The following CNTNAP2 variants were observed in gnomAD, a reference collection of about 807,000 sequenced individuals.
CNTNAP2 encodes the protein contactin-associated protein-like 2.
Under a neutral mutation model 155.2 loss-of-function variants are expected in CNTNAP2, and 98 were observed. The observed-to-expected ratio is 0.63, with a 90% CI of 0.54 to 0.75. CNTNAP2 has a LOEUF of 0.75. Ranked by LOEUF, CNTNAP2 falls within the 30% of genes least tolerant of loss-of-function variation. The pLI is 0.00. For synonymous variants in CNTNAP2, 651 were observed against 631.2 expected (o/e 1.03, Z -0.47); for missense variants, 1,727 against 1,688.1 (o/e 1.02, Z -0.40).
chr7:147,817,892 G>A (rs183877942), intron 13 of CNTNAP2, among the ~76,000 whole-genome samples: 2,103 of 137,762 alleles, frequency 0.015, 34 homozygotes, highest in African/African-American at 0.035. Context: ...GCAACAGAGC[G>A]AGACTCTGTC....
chr7:147,615,315 A>G (rs1444862696), intron 12 of CNTNAP2, among the ~76,000 whole-genome samples: 1 of 133,634 alleles, frequency 7.5e-6, no homozygotes, highest in Non-Finnish European at 1.6e-5. Flanking sequence ...AAAAAAGACT[A>G]CATCTCCACC....
intron 1 of CNTNAP2, among the ~76,000 whole-genome samples, chr7:146,378,155 A>C (rs962218122): frequency 2.0e-5 from 3 of 152,192 alleles, no homozygotes; most frequent in Non-Finnish European, 4.4e-5. Flanking sequence ...TAACAATGTT[A>C]TGGAGGGCAA....
chr7:147,494,748 A>G lies in CNTNAP2; in HGVS notation c.1777+8707A>G, dbSNP rs544870606. On this transcript the variant is annotated intron_variant, in intron 11 of 23. Transcript: ENST00000361727. ...TGATATAGGGAAAGAGTCTACTTTA[A>G]TTTGAAGATAAGGAACGGAGCTTCA... 4.5e-4 allele frequency among the ~76,000 whole-genome samples: 68 copies of G among 151,944 alleles called. 2 individuals are homozygous for G. Among genetic ancestry groups the G allele is most frequent in the African/African-American group, 1.5e-3 (63 of 41,484 alleles).
intron 11 of CNTNAP2, among the ~76,000 whole-genome samples, chr7:147,513,845 G>A (rs1325794125): frequency 6.6e-6 from 1 of 152,158 alleles, no homozygotes; most frequent in African/African-American, 2.4e-5. Flanking sequence ...GGGGATATGC[G>A]TTTTCACCAG....
chr7:146,289,945 G>A (rs1800402657), intron 1 of CNTNAP2, among the ~76,000 whole-genome samples: 1 of 152,060 alleles, frequency 6.6e-6, no homozygotes, highest in Non-Finnish European at 1.5e-5. Context: ...CTTATGCTTG[G>A]TTATTATTAT....
At chr7:147,442,208 A>G (rs931588433) in intron 10 of CNTNAP2, among the ~76,000 whole-genome samples, 97 of 152,248 alleles carry the variant, frequency 6.4e-4, no homozygotes, top group South Asian at 1.4e-3. Flanking sequence ...CTGAGCTGGC[A>G]CTCAAACCAC....
At chr7:148,171,422 T>C (rs1423116372) in intron 17 of CNTNAP2, among the ~76,000 whole-genome samples, 1 of 152,218 alleles carries the variant, frequency 6.6e-6, no homozygotes, top group Non-Finnish European at 1.5e-5. Flanking sequence ...CCAGCTGCTT[T>C]AAAAAGATTA....
intron 10 of CNTNAP2, among the ~76,000 whole-genome samples, chr7:147,428,756 T>C (rs185387130): frequency 6.6e-6 from 1 of 152,310 alleles, no homozygotes; most frequent in Non-Finnish European, 1.5e-5. Context: ...TAATACCTGC[T>C]CTTCTAAGGT....
chr7:148,159,802 G>A (rs2116671882), intron 17 of CNTNAP2, among the ~76,000 whole-genome samples: 1 of 152,262 alleles, frequency 6.6e-6, no homozygotes, highest in Admixed American at 6.5e-5. Context: ...ATCAGTGGTA[G>A]CTTCGGGTAA....
At chr7:146,183,570 T>A (rs962336981) in intron 1 of CNTNAP2, among the ~76,000 whole-genome samples, 1 of 151,384 alleles carries the variant, frequency 6.6e-6, no homozygotes, top group Admixed American at 6.6e-5. Flanking sequence ...GCCGCAGATC[T>A]GCTGTCAGCA....
chr7:147,561,030 G>C (rs1800052457), intron 11 of CNTNAP2, among the ~76,000 whole-genome samples: 1 of 151,852 alleles, frequency 6.6e-6, no homozygotes, highest in Non-Finnish European at 1.5e-5. Flanking sequence ...ATTCCTGTTA[G>C]AGTAACTACT....
At chr7:146,513,811 A>G (rs1584958523) in intron 1 of CNTNAP2, among the ~76,000 whole-genome samples, 1 of 151,914 alleles carries the variant, frequency 6.6e-6, no homozygotes, top group Non-Finnish European at 1.5e-5. Context: ...TTAACTGCAT[A>G]TTAGTGTCTT....
intron 10 of CNTNAP2, among the ~76,000 whole-genome samples, chr7:147,416,464 C>T (rs565036657): frequency 5.3e-5 from 8 of 152,268 alleles, no homozygotes; most frequent in Middle Eastern, 3.4e-3. Flanking sequence ...GGTTTACAGC[C>T]GAAACCATCA....
intron 1 of CNTNAP2, among the ~76,000 whole-genome samples, chr7:146,393,035 C>A (rs73164004): frequency 0.025 from 3,868 of 152,214 alleles, 70 homozygotes; most frequent in Non-Finnish European, 0.037. Flanking sequence ...ATCTTCACAG[C>A]CTCCGAATGA....
intron 3 of CNTNAP2, among the ~76,000 whole-genome samples, chr7:146,886,851 C>T (rs1249235502): frequency 6.6e-6 from 1 of 151,206 alleles, no homozygotes; most frequent in African/African-American, 2.4e-5. Context: ...GCTTGACTAA[C>T]ACAAGTGTTA....
intron 21 of CNTNAP2, among the ~76,000 whole-genome samples, chr7:148,306,017 C>T (rs1259703811): frequency 6.6e-6 from 1 of 152,130 alleles, no homozygotes; most frequent in African/African-American, 2.4e-5. Context: ...AAAGAATGAA[C>T]GGGAATCACA....
intron 8 of CNTNAP2, among the ~76,000 whole-genome samples, chr7:147,264,324 T>C (rs1216298221): frequency 1.3e-5 from 2 of 152,136 alleles, no homozygotes; most frequent in African/African-American, 4.8e-5. Flanking sequence ...ATTTATTTAT[T>C]GTGGGAAGTA....
In CNTNAP2 at chr7:147,154,546, T is replaced by G. The variant is rs922979924; in HGVS notation, c.1348+22037T>G. On this transcript the variant is annotated intron_variant, in intron 8 of 23. Transcript: ENST00000361727. ...AATACTTGCTGACTTTTAAATCATC[T>G]TCCATTTTATATATTAATTTTGTGC... Among the ~76,000 whole-genome samples, 6 of 152,212 alleles carry G rather than the reference T, an allele frequency of 3.9e-5. No individual in the cohort carries two copies. The South Asian group carries it at 6.2e-4, about 16-fold the overall frequency.
intron 11 of CNTNAP2, among the ~76,000 whole-genome samples, chr7:147,555,438 A>G (rs796872942): frequency 2.2e-4 from 33 of 152,332 alleles, no homozygotes; most frequent in African/African-American, 7.9e-4. Flanking sequence ...GTATATAGTA[A>G]GCATGTGATC....
Sources: gnomAD v4.1 joint callset for allele counts (sites outside exome capture counted in the v4.1 genomes callset) on GRCh38, gnomAD v4.1.1 for gene constraint, MANE v1.5 for transcripts, NCBI Gene and HGNC (gene_info 2026-07-23, HGNC 2026-07-21) for gene names.